The following CNTNAP2 variants were observed in gnomAD, a reference collection of about 807,000 sequenced individuals.
The protein encoded by CNTNAP2 is contactin associated protein 2.
A neutral mutation model predicts 155.2 loss-of-function variants in CNTNAP2; 98 were observed. The observed-to-expected ratio is 0.63, with a 90% CI of 0.54 to 0.75. The LOEUF is 0.75. Ranked by LOEUF, CNTNAP2 falls within the 30% of genes least tolerant of loss-of-function variation. CNTNAP2 has a pLI of 0.00. For synonymous variants in CNTNAP2, 651 were observed against 631.2 expected, an observed-to-expected ratio of 1.03 and a Z score of -0.47; for missense variants, 1,727 against 1,688.1, an observed-to-expected ratio of 1.02 and a Z score of -0.40.
chr7:147,168,989 A>T (rs1802175272), intron 8 of CNTNAP2, among the ~76,000 whole-genome samples: 1 of 152,226 alleles, frequency 6.6e-6, no homozygotes, highest in African/African-American at 2.4e-5. Context: ...TCAATCTCAG[A>T]TTAAACAATG....
At chr7:147,946,028 C>G (rs1025917688) in intron 14 of CNTNAP2, among the ~76,000 whole-genome samples, 2 of 151,652 alleles carry the variant, frequency 1.3e-5, no homozygotes, top group African/African-American at 4.8e-5. Flanking sequence ...CCACCATGCT[C>G]GGCTGATTTT....
intron 1 of CNTNAP2, among the ~76,000 whole-genome samples, chr7:146,577,837 GAA>G (rs1386235872): frequency 2.6e-5 from 4 of 151,962 alleles, no homozygotes; most frequent in Non-Finnish European, 5.9e-5. Context: ...TTGAAAAAAA[GAA>G]AGTGAAAAAA....
At chr7:146,572,719 A>C (rs533943342) in intron 1 of CNTNAP2, among the ~76,000 whole-genome samples, 1 of 152,248 alleles carries the variant, frequency 6.6e-6, no homozygotes, top group South Asian at 2.1e-4. Flanking sequence ...GAAAAGCAAT[A>C]TCATAAAAAA....
chr7:147,802,425 G>A (rs1333183647), intron 13 of CNTNAP2, among the ~76,000 whole-genome samples: 6 of 152,202 alleles, frequency 3.9e-5, no homozygotes, highest in South Asian at 2.1e-4. Context: ...CAAGGCAGGC[G>A]GCTGGGAGGT....
intron 9 of CNTNAP2, among the ~76,000 whole-genome samples, chr7:147,392,272 A>G (rs1452722784): frequency 6.8e-6 from 1 of 147,618 alleles, no homozygotes; most frequent in East Asian, 2.0e-4. Flanking sequence ...TTACTGCCAC[A>G]TTTTCAGGTT....
chr7:146,557,330 G>A (rs1178163594), intron 1 of CNTNAP2, among the ~76,000 whole-genome samples: 1 of 152,034 alleles, frequency 6.6e-6, no homozygotes, highest in African/African-American at 2.4e-5. Context: ...TGGAGGTGTG[G>A]AAAACTATTA....
intron 15 of CNTNAP2, among the ~76,000 whole-genome samples, chr7:147,988,213 T>C (rs544209509): frequency 7.5e-4 from 114 of 152,302 alleles, no homozygotes; most frequent in African/African-American, 2.7e-3. Flanking sequence ...AGATAAAAGA[T>C]TGTGGATACC....
intron 13 of CNTNAP2, among the ~76,000 whole-genome samples, chr7:147,877,540 T>C (rs1463285322): frequency 1.3e-5 from 2 of 152,230 alleles, no homozygotes; most frequent in African/African-American, 4.8e-5. Flanking sequence ...AAATGAAAAG[T>C]TTTGGTAAAA....
At chr7:148,220,587 T>C (rs12113629) in intron 19 of CNTNAP2, among the ~76,000 whole-genome samples, 4,722 of 151,130 alleles carry the variant, frequency 0.031, 121 homozygotes, top group African/African-American at 0.061. Context: ...ATGAACAAGA[T>C]CCAGCCTTGA....
chr7:148,238,991 T>C (rs1415324956), intron 20 of CNTNAP2, among the ~76,000 whole-genome samples: 1 of 152,220 alleles, frequency 6.6e-6, no homozygotes, highest in African/African-American at 2.4e-5. Flanking sequence ...ACTAAATTTT[T>C]TAGGGATGTC....
At chr7:146,883,875 G>T (rs1795603321) in intron 3 of CNTNAP2, among the ~76,000 whole-genome samples, 1 of 151,960 alleles carries the variant, frequency 6.6e-6, no homozygotes, top group African/African-American at 2.4e-5. Context: ...AATGTAAGTT[G>T]TTCCACTTTC....
At chr7:147,155,310 T>C (rs1801901973) in intron 8 of CNTNAP2, among the ~76,000 whole-genome samples, 1 of 152,176 alleles carries the variant, frequency 6.6e-6, no homozygotes, top group African/African-American at 2.4e-5. Flanking sequence ...TGCCTTGATC[T>C]GGACTTCTCA....
chr7:147,246,586 GT>G (rs1340169732), intron 8 of CNTNAP2, among the ~76,000 whole-genome samples: 1 of 152,048 alleles, frequency 6.6e-6, no homozygotes, highest in Non-Finnish European at 1.5e-5. Flanking sequence ...ACTCATGAGG[GT>G]TCTGTTCTCA....
At chr7:146,637,427 TCTTC>T (rs1477245850) in intron 1 of CNTNAP2, among the ~76,000 whole-genome samples, 2 of 152,330 alleles carry the variant, frequency 1.3e-5, no homozygotes, top group East Asian at 1.9e-4. Context: ...CTTTTTTCAT[TCTTC>T]CTTAATTTTT....
At chr7:147,112,740 C>A (rs1218735139) in intron 5 of CNTNAP2, among the ~76,000 whole-genome samples, 2 of 152,060 alleles carry the variant, frequency 1.3e-5, no homozygotes, top group Non-Finnish European at 2.9e-5. Flanking sequence ...ACAGTGAATA[C>A]CCATTTTGAT....
intron 13 of CNTNAP2, among the ~76,000 whole-genome samples, chr7:147,862,686 G>C (rs1211015673): frequency 2.0e-5 from 3 of 151,798 alleles, no homozygotes; most frequent in Non-Finnish European, 2.9e-5. Context: ...TGATTGTTTT[G>C]TCATTGTACC....
chr7:147,490,723 TTA>T (rs1798592964), intron 11 of CNTNAP2, among the ~76,000 whole-genome samples: 1 of 152,160 alleles, frequency 6.6e-6, no homozygotes, highest in Non-Finnish European at 1.5e-5. Context: ...GGATATGGTA[TTA>T]GTCTGTTCTC....
At chr7:148,356,529 C>T (rs1412625602) in intron 21 of CNTNAP2, among the ~76,000 whole-genome samples, 1 of 152,166 alleles carries the variant, frequency 6.6e-6, no homozygotes, top group Non-Finnish European at 1.5e-5. Context: ...TGAGCCAGAT[C>T]CAAGAGGTGA....
At chr7:147,505,707 C>T (rs374587531) in intron 11 of CNTNAP2, among the ~76,000 whole-genome samples, 10 of 152,180 alleles carry the variant, frequency 6.6e-5, no homozygotes, top group East Asian at 5.8e-4. Flanking sequence ...TGGCCTTAAA[C>T]GCTGTAGTTC....
Sources: gnomAD v4.1 joint callset for allele counts (sites outside exome capture counted in the v4.1 genomes callset) on GRCh38, gnomAD v4.1.1 for gene constraint, MANE v1.5 for transcripts, NCBI Gene and HGNC (gene_info 2026-07-23, HGNC 2026-07-21) for gene names.